The following SLC7A5 variants were observed in gnomAD, a reference collection of about 807,000 sequenced individuals.
SLC7A5 encodes the protein solute carrier family 7 member 5.
In SLC7A5, 23 loss-of-function variants were observed where a neutral mutation model predicts 50.2. The observed-to-expected ratio is 0.46, with a 90% confidence interval of 0.33 to 0.65. SLC7A5 has a LOEUF of 0.65. SLC7A5 is among the 30% of genes least tolerant of loss of function. SLC7A5 has a pLI of 0.02. For missense variants in SLC7A5, 578 were observed against 684.4 expected, an observed-to-expected ratio of 0.84 and a Z score of 1.73; for synonymous variants, 393 against 330.6, an observed-to-expected ratio of 1.19 and a Z score of -2.05.
rs2055410876 is a variant in SLC7A5, at chr16:87,862,453, A to C, written c.538+6432T>G. Among the ~76,000 whole-genome samples the C allele has an allele frequency of 6.6e-6, 1 of 152,224 alleles. No individual in the cohort carries two copies. The highest frequency in any genetic ancestry group is 1.5e-5 in the Non-Finnish European group (1 of 68,032). ...GTTGTGGCGATTCCTACTTCCACCC[A>C]TAGCCCCCCGACCCTGGGCCTGTGC... On this transcript the variant is annotated intron_variant, in intron 1 of 9. Coordinates refer to ENST00000261622, the MANE Select transcript of SLC7A5 (RefSeq NM_003486.7). The surrounding 1 kb of genome is among the most constrained non-coding windows in gnomAD (Gnocchi z 5.3).
At position 87,863,986 on chromosome 16, in the gene SLC7A5, A is replaced by AAAATATATATAT. The variant is rs376938738; in HGVS notation, c.538+4898_538+4899insATATATATATTT. ...CCAACCTTATGTGTGATCATTTAAA[A>AAAATATATATAT]ATATATATATATATATATATATCAG... is the stretch of plus-strand genomic sequence containing the variant. On this transcript the variant is annotated intron_variant, in intron 1 of 9. Coordinates refer to ENST00000261622, the MANE Select transcript of SLC7A5 (RefSeq NM_003486.7). Among the ~76,000 whole-genome samples, 70 of 83,280 alleles carry AAAATATATATAT rather than the reference A, an allele frequency of 8.4e-4. 1 individual carries two copies. Among genetic ancestry groups the AAAATATATATAT allele is most frequent in the East Asian group, 4.9e-3 (15 of 3,072 alleles). The allele number at this position is 83,280 out of a possible 152,430, so 54.6% of individuals were successfully genotyped here.
chr16:87,860,341 T>TACACAC lies in SLC7A5; in HGVS notation c.539-8498_539-8493dup, dbSNP rs370835904. 8.7e-4 allele frequency among the ~76,000 whole-genome samples: 75 copies of TACACAC among 86,178 alleles called. No individual in the cohort carries two copies. The highest frequency in any genetic ancestry group is 1.3e-3 in the African/African-American group (25 of 19,934). The allele number at this position is 86,178 out of a possible 152,430, so 56.5% of individuals were successfully genotyped here. ...AAAGCATCTCAAAAAAAAAAAAAAATACACACACACACACACACACACACA... is the reference window on the plus strand; with the variant it reads ...AAAGCATCTCAAAAAAAAAAAAAAATACACACACACACACACACACACACACACACA... On this transcript the variant is annotated intron_variant, in intron 1 of 9. Transcript: ENST00000261622. This position sits in a 1 kb window ranked among gnomAD's most constrained non-coding sequence, Gnocchi z 4.8.
In SLC7A5 at chr16:87,869,288, G is replaced by A; in HGVS notation, c.135C>T (p.Thr45=). 2 of 1,611,970 alleles carry A rather than the reference G, an allele frequency of 1.2e-6. No homozygotes were observed. The highest frequency in any genetic ancestry group is 1.7e-5 in the Admixed American group (1 of 60,020). Residue 45 remains threonine, a synonymous_variant, in exon 1 of 10, where the codon ACC becomes ACT. Transcript: ENST00000261622. ...SAPAGEGEGV[T]LQRNITLLNG... ...TGAGCAGCGTGATGTTCCGCTGCAG[G>A]GTCACGCCCTCGCCCTCGCCTGCCG...
rs1597517610 is a variant in SLC7A5, at chr16:87,861,960, C to G, written c.538+6925G>C. Among the ~76,000 whole-genome samples the G allele has an allele frequency of 6.6e-6, 1 of 152,212 alleles. No individual in the cohort carries two copies. The highest frequency in any genetic ancestry group is 1.9e-4 in the East Asian group (1 of 5,192). On this transcript the variant is annotated intron_variant, in intron 1 of 9. Coordinates refer to ENST00000261622, the MANE Select transcript of SLC7A5 (RefSeq NM_003486.7). The surrounding 1 kb of genome is among the most constrained non-coding windows in gnomAD (Gnocchi z 4.2). ...TCACTGGCTGCCGCCTGCAATGAGC[C>G]CACGGCTTGAGCTCTGGGGCCCACC...
At chr16:87,864,308 A>G (rs1227401809) in intron 1 of SLC7A5, among the ~76,000 whole-genome samples, 3 of 151,970 alleles carry the variant, frequency 2.0e-5, no homozygotes, top group Non-Finnish European at 4.4e-5. Context: ...AAATAAATAA[A>G]TAAATAATAA....
chr16:87,865,318 C>T (rs2055446450), intron 1 of SLC7A5, among the ~76,000 whole-genome samples: 1 of 152,290 alleles, frequency 6.6e-6, no homozygotes, highest in Non-Finnish European at 1.5e-5. Context: ...CTGAAAGGGA[C>T]CCTATTAACA....
rs1478626982 is a variant in SLC7A5 at position 87,862,576 on chromosome 16, T to C, written c.538+6309A>G. On this transcript the variant is annotated intron_variant, in intron 1 of 9. Transcript: ENST00000261622. This position sits in a 1 kb window ranked among gnomAD's most constrained non-coding sequence, Gnocchi z 5.3. The stretch of plus-strand genomic sequence containing the variant: ...CTCTTCCCTCCCTCTCTTTGTTCCC[T>C]TGCTCCTTCCTTCTTTTGCCAGAGG... Among the ~76,000 whole-genome samples, 2 of 152,246 alleles carry C rather than the reference T, an allele frequency of 1.3e-5. No individual in the cohort carries two copies. The highest frequency in any genetic ancestry group is 2.4e-5 in the African/African-American group (1 of 41,466).
In SLC7A5 at chr16:87,832,714, A is replaced by C; in HGVS notation, c.*256T>G. ...TATAAGTAAACAAAGGAGGGAAGGG[A>C]AAAAGGGCCCAAGGAGACCAAAAGC... On this transcript the variant is annotated 3_prime_UTR_variant, in exon 10 of 10. Coordinates refer to ENST00000261622, the MANE Select transcript of SLC7A5 (RefSeq NM_003486.7). The surrounding 1 kb of genome is among the most constrained non-coding windows in gnomAD (Gnocchi z 4.6). 2.8e-6 allele frequency: 1 copy of C among 355,122 alleles called. No homozygotes were observed. Among genetic ancestry groups the C allele is most frequent in the South Asian group, 4.0e-5 (1 of 25,184 alleles). 22.0% of individuals were successfully genotyped at this position (355,122 alleles called of 1,614,324 possible).
At chr16:87,848,378 G>T (rs867701954) in intron 2 of SLC7A5, among the ~76,000 whole-genome samples, 1 of 152,214 alleles carries the variant, frequency 6.6e-6, no homozygotes, top group Non-Finnish European at 1.5e-5. Context: ...CTGTGCCCTC[G>T]CTCCCACCCT....
chr16:87,836,633 C>A lies in SLC7A5; in HGVS notation c.1155G>T (p.Leu385=). The change falls in exon 8 of 10, where the codon CTG becomes CTT. Residue 385 remains leucine, a synonymous_variant. Coordinates refer to ENST00000261622, the MANE Select transcript of SLC7A5 (RefSeq NM_003486.7). ...PSLVFTCVMT[L]LYAFSKDIFS... ...AGATGTCCTTGGAGAAGGCGTAGAG[C>A]AGCGTCATCACACACTGGAAGAGAG... is the stretch of plus-strand genomic sequence containing the variant. 1 of 1,612,810 alleles carries A rather than the reference C, an allele frequency of 6.2e-7. No individual in the cohort carries two copies. The highest frequency in any genetic ancestry group is 1.3e-5 in the African/African-American group (1 of 75,074).
In SLC7A5 at chr16:87,841,856, G is replaced by A. The variant is rs919279706; in HGVS notation, c.665-701C>T. Among the ~76,000 whole-genome samples the A allele has an allele frequency of 2.0e-5, 3 of 152,216 alleles. No individual in the cohort carries two copies. The highest frequency in any genetic ancestry group is 2.1e-4 in the South Asian group (1 of 4,832). On this transcript the variant is annotated intron_variant, in intron 2 of 9. Transcript: ENST00000261622. This position sits in a 1 kb window ranked among gnomAD's most constrained non-coding sequence, Gnocchi z 4.8. ...CCAGAAGGACCTCATTTCAAAACTT[G>A]AACTTCAGTCACATCTGCGAAGACC...
At chr16:87,867,709 C>T (rs1383544522) in intron 1 of SLC7A5, among the ~76,000 whole-genome samples, 4 of 152,182 alleles carry the variant, frequency 2.6e-5, no homozygotes, top group Admixed American at 6.5e-5. Context: ...AGATGCAGGC[C>T]GATCCATGCC....
Position 87,831,416 on chromosome 16 carries a change from C to T in SLC7A5, c.*1554G>A, listed in dbSNP as rs1060258. 50,679 of 152,096 alleles carry T rather than the reference C, an allele frequency of 0.33. 9,012 individuals carry two copies. Among genetic ancestry groups the T allele is most frequent in the East Asian group, 0.59 (3,053 of 5,160 alleles). The allele number at this position is 152,096 out of a possible 1,614,324, so 9.4% of individuals were successfully genotyped here. On this transcript the variant is annotated 3_prime_UTR_variant, in exon 10 of 10. Coordinates refer to ENST00000261622, the MANE Select transcript of SLC7A5 (RefSeq NM_003486.7). The stretch of plus-strand genomic sequence containing the variant: ...TGGTGAGGGGGTCCCGGTGCCCAGG[C>T]GGGGGCGGCAGGCTCCACTGGGCAC...
rs1567501378 is a variant in SLC7A5 at position 87,860,393 on chromosome 16, CACACACATATAT to C, written c.538+8480_538+8491del. 2.7e-5 allele frequency among the ~76,000 whole-genome samples: 2 copies of C among 73,106 alleles called. No individual in the cohort carries two copies. The highest frequency in any genetic ancestry group is 8.3e-4 in the East Asian group (2 of 2,396). 48.0% of individuals were successfully genotyped at this position (73,106 alleles called of 152,430 possible). A position where few individuals can be genotyped will look rare whatever the true frequency, so the allele number is the denominator to read the frequency against. ...ACACACACACACACACACACACACA[CACACACATATAT>C]ATATAAAGAAAAAGGAAATCTTCGA... On this transcript the variant is annotated intron_variant, in intron 1 of 9. Transcript: ENST00000261622. This position sits in a 1 kb window ranked among gnomAD's most constrained non-coding sequence, Gnocchi z 4.8.
chr16:87,851,999 T>A (rs33949508), intron 1 of SLC7A5, 150 bp from the exon 2 acceptor site: 2 of 878,862 alleles, frequency 2.3e-6, no homozygotes, highest in African/African-American at 1.7e-5. Flanking sequence ...TGCCAGCCCT[T>A]AGGGCACGTT....
intron 8 of SLC7A5, among the ~76,000 whole-genome samples, chr16:87,835,749 C>T (rs995456914): frequency 5.3e-5 from 8 of 152,216 alleles, no homozygotes; most frequent in East Asian, 1.9e-4. Context: ...GCTGGGATTA[C>T]AGGCGTGAGC....
intron 1 of SLC7A5, among the ~76,000 whole-genome samples, chr16:87,854,958 G>A (rs2055296634): frequency 2.0e-5 from 3 of 152,228 alleles, no homozygotes; most frequent in Admixed American, 6.5e-5. Context: ...ATCTTCGGGT[G>A]GGCATTGACA....
intron 8 of SLC7A5, among the ~76,000 whole-genome samples, chr16:87,835,685 A>G (rs976988366): frequency 2.0e-5 from 3 of 152,070 alleles, no homozygotes; most frequent in Non-Finnish European, 2.9e-5. Context: ...CGTGTTAGCC[A>G]GGATGGTCTC....
chr16:87,857,087 A>G (rs2055330879), intron 1 of SLC7A5, among the ~76,000 whole-genome samples: 1 of 152,204 alleles, frequency 6.6e-6, no homozygotes, highest in Non-Finnish European at 1.5e-5. Flanking sequence ...AATGGGCTGG[A>G]ATGCCAAGCC....
Sources: allele counts gnomAD v4.1 joint callset (sites outside exome capture counted in the v4.1 genomes callset), GRCh38; gene constraint gnomAD v4.1.1; non-coding constraint Gnocchi (gnomAD v3.1); transcripts MANE v1.5; gene names NCBI Gene and HGNC (gene_info 2026-07-23, HGNC 2026-07-21).